Variants in B3GLCT observed in about 807,000 individuals in gnomAD.
B3GLCT encodes the protein beta 3-glucosyltransferase.
B3GLCT carries 65 observed loss-of-function variants against 63.4 expected under a neutral mutation model. The observed-to-expected ratio is 1.03, with a 90% CI of 0.84 to 1.26. B3GLCT has a LOEUF of 1.26. B3GLCT is among the 50% of genes most tolerant of loss of function. The pLI is 0.00. For synonymous variants in B3GLCT, 233 were observed against 219.2 expected (o/e 1.06, Z -0.55); for missense variants, 577 against 604.8 (o/e 0.95, Z 0.48).
intron 3 of B3GLCT, among the ~76,000 whole-genome samples, chr13:31,226,500 TTG>T (rs1470954648): frequency 6.6e-6 from 1 of 152,266 alleles, no homozygotes; most frequent in African/African-American, 2.4e-5. Flanking sequence ...GGAAATGCTG[TTG>T]TCTTCAATGA....
At chr13:31,270,138 A>G (rs940464935) in intron 8 of B3GLCT, among the ~76,000 whole-genome samples, 1 of 152,312 alleles carries the variant, frequency 6.6e-6, no homozygotes, top group East Asian at 1.9e-4. Context: ...CCCATCATTA[A>G]TTATTCTCGA....
In B3GLCT at chr13:31,200,170, C is replaced by T; in HGVS notation, c.70+16C>T. The T allele has an allele frequency of 7.7e-7, 1 of 1,296,904 alleles. No homozygotes were observed. Among genetic ancestry groups the T allele is most frequent in the Non-Finnish European group, 9.9e-7 (1 of 1,011,938 alleles). 80.3% of individuals were successfully genotyped at this position (1,296,904 alleles called of 1,614,324 possible). ...TGCTCCCTGGGTAAGTAGCGGGCGGCCAGGCGCGCAAGGGCGAGGCGTGGG... is the reference window on the plus strand; with the variant it reads ...TGCTCCCTGGGTAAGTAGCGGGCGGTCAGGCGCGCAAGGGCGAGGCGTGGG... On this transcript the variant is annotated intron_variant, in intron 1 of 14. Transcript: ENST00000343307.
At chr13:31,279,734 AT>A (rs1353693350) in intron 10 of B3GLCT, among the ~76,000 whole-genome samples, 2 of 152,154 alleles carry the variant, frequency 1.3e-5, no homozygotes, top group Non-Finnish European at 2.9e-5. Flanking sequence ...TCTGACCAAA[AT>A]TTATTACGCA....
rs572796990 is a variant in B3GLCT, at chr13:31,283,088, C to G, written c.851-1560C>G. 2.0e-5 allele frequency: 3 copies of G among 152,280 alleles called. No homozygotes were observed. The South Asian group carries it at 6.2e-4, about 32-fold the overall frequency. The allele number at this position is 152,280 out of a possible 1,614,324, so 9.4% of individuals were successfully genotyped here. On this transcript the variant is annotated intron_variant, in intron 10 of 14. Coordinates refer to ENST00000343307, the MANE Select transcript of B3GLCT (RefSeq NM_194318.4). Reference sequence around the variant, plus strand: ...ACTCAGTTAATTGAGAAGAAACACCCGTGTTCTTTAATAAACCTATTAGAG... The same window carrying G: ...ACTCAGTTAATTGAGAAGAAACACCGGTGTTCTTTAATAAACCTATTAGAG...
rs1875582728 is a variant in B3GLCT, at chr13:31,325,952, C to T, written c.1329+2057C>T. ...AATTCGCAGATTTAGAAGGGGACTCCAGGGAAAATCTAGTATTTCCCTTTG... is the reference window on the plus strand; with the variant it reads ...AATTCGCAGATTTAGAAGGGGACTCTAGGGAAAATCTAGTATTTCCCTTTG... On this transcript the variant is annotated intron_variant, in intron 14 of 14. Transcript: ENST00000343307. 2.6e-5 allele frequency among the ~76,000 whole-genome samples: 4 copies of T among 152,146 alleles called. No homozygotes were observed. The South Asian group carries it at 8.3e-4, about 32-fold the overall frequency.
At chr13:31,277,303 A>G (rs1365354346) in intron 10 of B3GLCT, among the ~76,000 whole-genome samples, 5 of 152,180 alleles carry the variant, frequency 3.3e-5, no homozygotes, top group African/African-American at 9.7e-5. Context: ...ATCTCTTCTT[A>G]AGGAAATCCT....
chr13:31,229,471 C>T (rs917109875), intron 4 of B3GLCT, among the ~76,000 whole-genome samples, 177 bp downstream of exon 4: 7 of 152,164 alleles, frequency 4.6e-5, no homozygotes, highest in Admixed American at 3.9e-4. Context: ...GTCAGCTGGG[C>T]GTGGTGGCTC....
At chr13:31,213,781 G>A (rs1033090823) in intron 1 of B3GLCT, among the ~76,000 whole-genome samples, 7 of 152,002 alleles carry the variant, frequency 4.6e-5, no homozygotes, top group Admixed American at 2.6e-4. Context: ...AGGAGGGTGT[G>A]GAATTGGGGA....
intron 7 of B3GLCT, among the ~76,000 whole-genome samples, chr13:31,262,166 C>A (rs778058229): frequency 2.6e-5 from 4 of 152,182 alleles, no homozygotes; most frequent in Non-Finnish European, 2.9e-5. Context: ...AGCTCCTACG[C>A]TGCTGATTTC....
chr13:31,229,050 A>G (rs554801858), intron 3 of B3GLCT, 135 bp from the exon 4 acceptor site: 2 of 660,046 alleles, frequency 3.0e-6, no homozygotes, highest in East Asian at 2.7e-5. Flanking sequence ...CTAGAATTAC[A>G]TACGAATTGA....
chr13:31,224,090 G>A (rs1451192679), intron 3 of B3GLCT, among the ~76,000 whole-genome samples: 2 of 152,146 alleles, frequency 1.3e-5, no homozygotes, highest in Non-Finnish European at 2.9e-5. Context: ...CCCCGCCCCC[G>A]GGTGGAAGTG....
intron 12 of B3GLCT, among the ~76,000 whole-genome samples, chr13:31,316,459 G>A (rs1237329429): frequency 3.3e-5 from 2 of 60,682 alleles, no homozygotes; most frequent in South Asian, 6.3e-4. Context: ...ACGGAGTTTC[G>A]CTCTTGTCAC....
At chr13:31,277,200 A>T (rs1175364195) in intron 10 of B3GLCT, among the ~76,000 whole-genome samples, 1 of 152,178 alleles carries the variant, frequency 6.6e-6, no homozygotes, top group Admixed American at 6.5e-5. Context: ...ATTTATTTCA[A>T]ATGCTTACCT....
In B3GLCT at chr13:31,329,629, C is replaced by G. The variant is rs564115307; in HGVS notation, c.1458C>G (p.Ala486=). 1 of 1,614,172 alleles carries G rather than the reference C, an allele frequency of 6.2e-7. No individual in the cohort carries two copies. Among genetic ancestry groups the G allele is most frequent in the South Asian group, 1.1e-5 (1 of 91,080 alleles). Residue 486 remains alanine, a synonymous_variant, in exon 15 of 15, where the codon GCC becomes GCG. Coordinates refer to ENST00000343307, the MANE Select transcript of B3GLCT (RefSeq NM_194318.4). ...TWLAPSDEDK[A]RQETQKGFRE... ...TGGCACCCAGTGACGAAGACAAAGC[C>G]AGGCAGGAGACACAGAAAGGTTTTC... is the stretch of plus-strand genomic sequence containing the variant.
chr13:31,213,795 A>G (rs1383587946), intron 1 of B3GLCT, among the ~76,000 whole-genome samples: 1 of 152,018 alleles, frequency 6.6e-6, no homozygotes, highest in Non-Finnish European at 1.5e-5. Flanking sequence ...TTGGGGATTT[A>G]TTATTTTACA....
chr13:31,316,515 G>A (rs897533262), intron 12 of B3GLCT, among the ~76,000 whole-genome samples: 1 of 148,868 alleles, frequency 6.7e-6, no homozygotes, highest in African/African-American at 2.5e-5. Flanking sequence ...CGCATTTGGA[G>A]GTTTAATATT....
At chr13:31,219,094 T>C (rs1353667206) in intron 2 of B3GLCT, among the ~76,000 whole-genome samples, 1 of 152,206 alleles carries the variant, frequency 6.6e-6, no homozygotes, top group Non-Finnish European at 1.5e-5. Context: ...TAACTCATTC[T>C]GTGAGGCCAG....
At position 31,331,048 on chromosome 13, in the gene B3GLCT, C is replaced by T. The variant is rs1229176073; in HGVS notation, c.*1380C>T. The T allele has an allele frequency of 1.3e-5, 2 of 152,110 alleles. No homozygotes were observed. The highest frequency in any genetic ancestry group is 2.9e-5 in the Non-Finnish European group (2 of 68,020). The allele number at this position is 152,110 out of a possible 1,614,324, so 9.4% of individuals were successfully genotyped here. On this transcript the variant is annotated 3_prime_UTR_variant, in exon 15 of 15. Transcript: ENST00000343307. ...CACGTGTTGCAGTGATAACACAATG[C>T]ATTGGATTCAGTTTTGTGAAAATGG...
chr13:31,201,926 C>A (rs7335803), intron 1 of B3GLCT, among the ~76,000 whole-genome samples: 56,727 of 152,182 alleles, frequency 0.37, 11,460 homozygotes, highest in East Asian at 0.51. Context: ...AGACATTTGG[C>A]CTTTGGGAAC....
Sources: gnomAD v4.1 joint callset for allele counts (sites outside exome capture counted in the v4.1 genomes callset) on GRCh38, gnomAD v4.1.1 for gene constraint, MANE v1.5 for transcripts, NCBI Gene and HGNC (gene_info 2026-07-23, HGNC 2026-07-21) for gene names.